Variants in RHOQ observed in about 807,000 individuals in gnomAD.
RHOQ encodes the protein rho-related GTP-binding protein RhoQ.
RHOQ carries 7 observed loss-of-function variants against 25.8 expected under a neutral mutation model. The observed-to-expected ratio is 0.27, with a 90% CI of 0.15 to 0.51. RHOQ has a LOEUF of 0.51. RHOQ is among the 20% of genes least tolerant of loss of function. RHOQ has a pLI of 0.97. For synonymous variants in RHOQ, 97 were observed against 98.6 expected (o/e 0.98, Z 0.10); for missense variants, 165 against 260.6 (o/e 0.63, Z 2.53).
intron 2 of RHOQ, among the ~76,000 whole-genome samples, chr2:46,570,816 G>T (rs1461793830): frequency 6.6e-6 from 1 of 152,160 alleles, no homozygotes; most frequent in East Asian, 1.9e-4. Flanking sequence ...CTTTAGATTT[G>T]GGAAGGCTGG....
At position 46,552,138 on chromosome 2, in the gene RHOQ, G is replaced by C. The variant is rs1668260617; in HGVS notation, c.201+8326G>C. Among the ~76,000 whole-genome samples the C allele has an allele frequency of 6.6e-6, 1 of 152,224 alleles. No individual in the cohort carries two copies. The highest frequency in any genetic ancestry group is 1.5e-5 in the Non-Finnish European group (1 of 68,042). Reference sequence around the variant, plus strand: ...ATCGCTTTTCTAGCTAGAAGAGATGGTGGAACATTGTGTATAGGTGGAACA... The same window carrying C: ...ATCGCTTTTCTAGCTAGAAGAGATGCTGGAACATTGTGTATAGGTGGAACA... On this transcript the variant is annotated intron_variant, in intron 2 of 4. Coordinates refer to ENST00000238738, the MANE Select transcript of RHOQ (RefSeq NM_012249.4). This position sits in a 1 kb window ranked among gnomAD's most constrained non-coding sequence, Gnocchi z 5.0.
chr2:46,576,096 G>T lies in RHOQ; in HGVS notation c.211G>T (p.Asp71Tyr). ...TTTCTTTGTTCCTCAGGAAGACTATGACCGTCTGAGGCCTTTATCTTACCC... is the reference window on the plus strand; with the variant it reads ...TTTCTTTGTTCCTCAGGAAGACTATTACCGTCTGAGGCCTTTATCTTACCC... ...LYDTAGQEDYDRLRPLSYPMT... is the reference protein window; with the variant it reads ...LYDTAGQEDYYRLRPLSYPMT... The change falls in exon 3 of 5, where the codon GAC becomes TAC. Residue 71 changes from aspartate (D) to tyrosine (Y), a missense_variant. Coordinates refer to ENST00000238738, the MANE Select transcript of RHOQ (RefSeq NM_012249.4). This position sits in a 1 kb window ranked among gnomAD's most constrained non-coding sequence, Gnocchi z 5.1. 6.2e-7 allele frequency: 1 copy of T among 1,601,710 alleles called. No individual in the cohort carries two copies. Among genetic ancestry groups the T allele is most frequent in the Non-Finnish European group, 8.5e-7 (1 of 1,176,016 alleles).
At chr2:46,543,354 A>T in intron 1 of RHOQ, 166 bp downstream of exon 1, 1 of 689,558 alleles carries the variant, frequency 1.5e-6, no homozygotes, top group Non-Finnish European at 2.4e-6. Flanking sequence ...GCTCCTGGCA[A>T]CCCCTCGCCC....
rs1363670164 is a variant in RHOQ, at chr2:46,569,891, C to T, written c.202-6196C>T. 6.6e-6 allele frequency among the ~76,000 whole-genome samples: 1 copy of T among 152,064 alleles called. No individual in the cohort carries two copies. Among genetic ancestry groups the T allele is most frequent in the African/African-American group, 2.4e-5 (1 of 41,394 alleles). On this transcript the variant is annotated intron_variant, in intron 2 of 4. Coordinates refer to ENST00000238738, the MANE Select transcript of RHOQ (RefSeq NM_012249.4). This position sits in a 1 kb window ranked among gnomAD's most constrained non-coding sequence, Gnocchi z 4.1. Reference sequence around the variant, plus strand: ...AGTGACCTCTTAAGAATTTATAGCACCTAAAAAAACCTTTCTCTTCCCCAA... The same window carrying T: ...AGTGACCTCTTAAGAATTTATAGCATCTAAAAAAACCTTTCTCTTCCCCAA...
At position 46,560,200 on chromosome 2, in the gene RHOQ, C is replaced by T. The variant is rs916527978; in HGVS notation, c.202-15887C>T. Among the ~76,000 whole-genome samples, 8 of 152,176 alleles carry T rather than the reference C, an allele frequency of 5.3e-5. 1 individual carries two copies. The highest frequency in any genetic ancestry group is 1.9e-4 in the African/African-American group (8 of 41,438). On this transcript the variant is annotated intron_variant, in intron 2 of 4. Coordinates refer to ENST00000238738, the MANE Select transcript of RHOQ (RefSeq NM_012249.4). ...GGTGTTTAACTGGCACCTCATTGCT[C>T]GCTCCGAATTTGGCTCCGTGGGCCT...
At chr2:46,546,851 TG>T (rs1365121147) in intron 2 of RHOQ, among the ~76,000 whole-genome samples, 1 of 152,082 alleles carries the variant, frequency 6.6e-6, no homozygotes, top group African/African-American at 2.4e-5. Flanking sequence ...CAGTATATTG[TG>T]CCTGGAGTTG....
At position 46,542,586 on chromosome 2, in the gene RHOQ, C is replaced by G. The variant is rs1364610464; in HGVS notation, c.-461C>G. 1 of 146,846 alleles carries G rather than the reference C, an allele frequency of 6.8e-6. No individual in the cohort carries two copies. Among genetic ancestry groups the G allele is most frequent in the African/African-American group, 2.4e-5 (1 of 40,906 alleles). 9.1% of individuals were successfully genotyped at this position (146,846 alleles called of 1,614,324 possible). A position where few individuals can be genotyped will look rare whatever the true frequency, so the allele number is the denominator to read the frequency against. On this transcript the variant is annotated 5_prime_UTR_variant, in exon 1 of 5. Coordinates refer to ENST00000238738, the MANE Select transcript of RHOQ (RefSeq NM_012249.4). ...CGGCAGCAGGCGGGGGCGCGTGGCG[C>G]GGGCCGCGCTCGGGGAGGCGCCTGG...
intron 2 of RHOQ, among the ~76,000 whole-genome samples, chr2:46,546,451 C>CATATATATATATATATATACGTATATAT (rs1668047159): frequency 6.4e-5 from 3 of 47,162 alleles, no homozygotes; most frequent in Admixed American, 2.9e-4. Context: ...TACACATATA[C>CATATATATATATATATATACGTATATAT]ATATATATAT....
chr2:46,570,759 CT>C (rs1668887482), intron 2 of RHOQ, among the ~76,000 whole-genome samples: 1 of 152,234 alleles, frequency 6.6e-6, no homozygotes, highest in Non-Finnish European at 1.5e-5. Flanking sequence ...GATATTCTTA[CT>C]TAGTTGTCAT....
intron 2 of RHOQ, chr2:46,572,590 C>A: frequency 3.3e-6 from 1 of 306,650 alleles, no homozygotes; most frequent in Non-Finnish European, 6.5e-6. Flanking sequence ...CTCACCAGTT[C>A]TTTCATTGTT....
intron 2 of RHOQ, among the ~76,000 whole-genome samples, chr2:46,575,246 G>A (rs1669072272): frequency 6.6e-6 from 1 of 152,118 alleles, no homozygotes; most frequent in African/African-American, 2.4e-5. Context: ...TTCATTTTAT[G>A]TACAGATGTA....
At position 46,556,680 on chromosome 2, in the gene RHOQ, G is replaced by A. The variant is rs905805178; in HGVS notation, c.201+12868G>A. Reference sequence around the variant, plus strand: ...TTCCATCCGATCGGGTTCTTCCCCCGTAGGAGTTTACAGTCCAGTTGGAAG... The same window carrying A: ...TTCCATCCGATCGGGTTCTTCCCCCATAGGAGTTTACAGTCCAGTTGGAAG... On this transcript the variant is annotated intron_variant, in intron 2 of 4. Coordinates refer to ENST00000238738, the MANE Select transcript of RHOQ (RefSeq NM_012249.4). This position sits in a 1 kb window ranked among gnomAD's most constrained non-coding sequence, Gnocchi z 4.9. Among the ~76,000 whole-genome samples the A allele has an allele frequency of 6.6e-6, 1 of 152,010 alleles. No homozygotes were observed. Among genetic ancestry groups the A allele is most frequent in the African/African-American group, 2.4e-5 (1 of 41,358 alleles).
At chr2:46,571,378 C>A (rs150055507) in intron 2 of RHOQ, among the ~76,000 whole-genome samples, 1 of 152,184 alleles carries the variant, frequency 6.6e-6, no homozygotes, top group South Asian at 2.1e-4. Context: ...GTCTGCAAGG[C>A]GCTGGAGTGG....
rs147147101 is a variant in RHOQ at position 46,576,067 on chromosome 2, G to A, written c.202-20G>A. The A allele has an allele frequency of 3.8e-4, 602 of 1,576,138 alleles. 3 individuals carry two copies. The African/African-American group carries it at 7.2e-3, about 19-fold the overall frequency. On this transcript the variant is annotated intron_variant, in intron 2 of 4. Transcript: ENST00000238738. The surrounding 1 kb of genome is among the most constrained non-coding windows in gnomAD (Gnocchi z 5.1). ...CAATAGAAATGTAAATACATAATGA[G>A]GCTTTTCTTTGTTCCTCAGGAAGAC...
intron 2 of RHOQ, among the ~76,000 whole-genome samples, chr2:46,547,638 T>C (rs1347883492): frequency 6.6e-6 from 1 of 152,222 alleles, no homozygotes; most frequent in Admixed American, 6.5e-5. Flanking sequence ...CCGAGGCATC[T>C]TCCTTCTCAC....
intron 2 of RHOQ, among the ~76,000 whole-genome samples, chr2:46,575,587 A>C (rs1280547939): frequency 6.6e-6 from 1 of 152,178 alleles, no homozygotes; most frequent in African/African-American, 2.4e-5. Context: ...ATCCTTACGC[A>C]AGTAATTTAA....
At position 46,576,176 on chromosome 2, in the gene RHOQ, A is replaced by G. The variant is rs758272907; in HGVS notation, c.291A>G (p.Gln97=). 3 of 1,613,680 alleles carry G rather than the reference A, an allele frequency of 1.9e-6. No homozygotes were observed. Among genetic ancestry groups the G allele is most frequent in the Non-Finnish European group, 2.5e-6 (3 of 1,179,758 alleles). Residue 97 remains glutamine, a synonymous_variant, in exon 3 of 5, where the codon CAA becomes CAG. Transcript: ENST00000238738. The surrounding 1 kb of genome is among the most constrained non-coding windows in gnomAD (Gnocchi z 5.1). ...CFSVVNPASF[Q]NVKEEWVPEL... is the part of the protein sequence containing the mutation. ...CGGTGGTAAATCCAGCCTCATTTCAAAATGTGAAAGAGGAGTGGGTACCGG... is the reference window on the plus strand; with the variant it reads ...CGGTGGTAAATCCAGCCTCATTTCAGAATGTGAAAGAGGAGTGGGTACCGG...
At chr2:46,547,644 C>A (rs1668114949) in intron 2 of RHOQ, among the ~76,000 whole-genome samples, 1 of 152,240 alleles carries the variant, frequency 6.6e-6, no homozygotes, top group Admixed American at 6.5e-5. Context: ...CATCTTCCTT[C>A]TCACTAGGGG....
rs1668816914 is a variant in RHOQ, at chr2:46,568,804, T to C, written c.202-7283T>C. ...CTCCTCTGCTGTCCTCTACACAGAA[T>C]GAGGGCAGGGTCTGTGTTGTGTTCA... On this transcript the variant is annotated intron_variant, in intron 2 of 4. Transcript: ENST00000238738. The C allele has an allele frequency of 2.6e-5, 4 of 152,210 alleles. No homozygotes were observed. The South Asian group carries it at 8.3e-4, about 31-fold the overall frequency. 9.4% of individuals were successfully genotyped at this position (152,210 alleles called of 1,614,324 possible).
Sources: gnomAD v4.1 joint callset for allele counts (sites outside exome capture counted in the v4.1 genomes callset) on GRCh38, gnomAD v4.1.1 for gene constraint, Gnocchi (gnomAD v3.1) non-coding constraint, MANE v1.5 for transcripts, NCBI Gene and HGNC (gene_info 2026-07-23, HGNC 2026-07-21) for gene names.